PCDHGC5: variants seen among roughly 807,000 people sequenced by gnomAD.
The protein encoded by PCDHGC5 is protocadherin gamma subfamily C, 5, also known as protocadherin gamma-C5.
A neutral mutation model predicts 59.0 loss-of-function variants in PCDHGC5; 25 were observed. The observed-to-expected ratio is 0.42, with a 90% CI of 0.31 to 0.59. The LOEUF (loss-of-function observed/expected upper bound fraction) is 0.59. Ranked by LOEUF, PCDHGC5 falls within the 20% of genes least tolerant of loss-of-function variation. PCDHGC5 has a pLI of 0.13. For missense variants in PCDHGC5, 1,067 were observed against 1,206.4 expected, an observed-to-expected ratio of 0.88 and a Z score of 1.71; for synonymous variants, 434 against 505.5, an observed-to-expected ratio of 0.86 and a Z score of 1.90.
Position 141,489,714 on chromosome 5 carries a change from G to C in PCDHGC5, c.474G>C (p.Gln158His), listed in dbSNP as rs770143357. Residue 158 changes from glutamine to histidine, a missense_variant, in exon 1 of 4, where the codon CAG becomes CAC. Coordinates refer to ENST00000252087, the MANE Select transcript of PCDHGC5 (RefSeq NM_018929.3). The surrounding 1 kb of genome is among the most constrained non-coding windows in gnomAD (Gnocchi z 4.5). Reference sequence around the variant, plus strand: ...CACGATTCCCACTGGACAGTGCCCAGGATCCGGATGTGGGCACCAATACTG... The same window carrying C: ...CACGATTCCCACTGGACAGTGCCCACGATCCGGATGTGGGCACCAATACTG... ...SGARFPLDSA[Q>H]DPDVGTNTVS... 7.4e-6 allele frequency: 12 copies of C among 1,613,958 alleles called. No individual in the cohort carries two copies. The highest frequency in any genetic ancestry group is 1.0e-5 in the Non-Finnish European group (12 of 1,179,930).
Position 141,511,350 on chromosome 5 carries a change from C to T in PCDHGC5, c.*177C>T, listed in dbSNP as rs1303365585. Reference sequence around the variant, plus strand: ...CCCAGTCAGCACCTACCCCTTCCCCCCCAGGGGGTTGAATATGCAAAAGCA... The same window carrying T: ...CCCAGTCAGCACCTACCCCTTCCCCTCCAGGGGGTTGAATATGCAAAAGCA... On this transcript the variant is annotated 3_prime_UTR_variant, in exon 4 of 4. Transcript: ENST00000252087. The T allele has an allele frequency of 6.4e-6, 9 of 1,397,076 alleles. No homozygotes were observed. Among genetic ancestry groups the T allele is most frequent in the Non-Finnish European group, 8.6e-6 (9 of 1,050,666 alleles). 86.5% of individuals were successfully genotyped at this position (1,397,076 alleles called of 1,614,324 possible).
rs773048793 is a variant in PCDHGC5, at chr5:141,505,456, A to T, written c.2583A>T (p.Gln861His). The T allele has an allele frequency of 1.3e-5, 21 of 1,614,110 alleles. No homozygotes were observed. The highest frequency in any genetic ancestry group is 1.7e-5 in the Non-Finnish European group (20 of 1,180,044). The change falls in exon 3 of 4, where the codon CAA becomes CAT. Residue 861 changes from glutamine (Q) to histidine (H), a missense_variant. By Grantham distance (24) the Gln-to-His change is conservative (BLOSUM62 0). Coordinates refer to ENST00000252087, the MANE Select transcript of PCDHGC5 (RefSeq NM_018929.3). ...ACCAGTTTGACACAGAGATGCTGCA[A>T]GCCATGATCTTGGCGTCCGCCAGTG... ...PNNQFDTEML[Q>H]AMILASASEA...
At chr5:141,502,140 G>A (rs534984161) in intron 2 of PCDHGC5, among the ~76,000 whole-genome samples, 1 of 152,268 alleles carries the variant, frequency 6.6e-6, no homozygotes, top group South Asian at 2.1e-4. Context: ...CAGTCGGGCC[G>A]GAAGTAAGGA....
intron 2 of PCDHGC5, among the ~76,000 whole-genome samples, chr5:141,497,540 C>A (rs866982821): frequency 7.4e-6 from 1 of 134,944 alleles, no homozygotes; most frequent in African/African-American, 2.8e-5. Context: ...TGCAACAAAC[C>A]TTTTTTTTTT....
At chr5:141,497,079 C>T (rs564690352) in intron 2 of PCDHGC5, among the ~76,000 whole-genome samples, 2 of 151,982 alleles carry the variant, frequency 1.3e-5, no homozygotes, top group African/African-American at 4.8e-5. Flanking sequence ...ATCCCAGCGA[C>T]TTAGGAGGCT....
rs1001912556 is a variant in PCDHGC5, at chr5:141,493,404, CTCTGCTGGGATTTTGCT to C, written c.2461-1391_2461-1375del. Among the ~76,000 whole-genome samples, 10 of 152,266 alleles carry C rather than the reference CTCTGCTGGGATTTTGCT, an allele frequency of 6.6e-5. No individual in the cohort carries two copies. Among genetic ancestry groups the C allele is most frequent in the Admixed American group, 6.5e-4 (10 of 15,298 alleles). On this transcript the variant is annotated intron_variant, in intron 1 of 3. Coordinates refer to ENST00000252087, the MANE Select transcript of PCDHGC5 (RefSeq NM_018929.3). The surrounding 1 kb of genome is among the most constrained non-coding windows in gnomAD (Gnocchi z 4.3). ...CTTGAGGACAGGAGAGGGGAGTTGCCTCTGCTGGGATTTTGCTTCTGCTGGGATGGGGCAAGGGTGGG... is the reference window on the plus strand; with the variant it reads ...CTTGAGGACAGGAGAGGGGAGTTGCCTCTGCTGGGATGGGGCAAGGGTGGG...
At chr5:141,505,579 G>A (rs1047837546) in intron 3 of PCDHGC5, 98 bp downstream of exon 3, 6 of 1,588,858 alleles carry the variant, frequency 3.8e-6, no homozygotes, top group Non-Finnish European at 4.3e-6. Flanking sequence ...TCAAACCTGT[G>A]TAGTTTCTCC....
In PCDHGC5 at chr5:141,493,664, G is replaced by A. The variant is rs2099749444; in HGVS notation, c.2461-1143G>A. Reference sequence around the variant, plus strand: ...TGGCCATCCCTGTGCCCTTCTCCATGGCAGCCCCAGAATGGTGCTGGTGAC... The same window carrying A: ...TGGCCATCCCTGTGCCCTTCTCCATAGCAGCCCCAGAATGGTGCTGGTGAC... On this transcript the variant is annotated intron_variant, in intron 1 of 3. Coordinates refer to ENST00000252087, the MANE Select transcript of PCDHGC5 (RefSeq NM_018929.3). This position sits in a 1 kb window ranked among gnomAD's most constrained non-coding sequence, Gnocchi z 4.3. Among the ~76,000 whole-genome samples, 1 of 152,136 alleles carries A rather than the reference G, an allele frequency of 6.6e-6. No homozygotes were observed. Among genetic ancestry groups the A allele is most frequent in the Non-Finnish European group, 1.5e-5 (1 of 68,026 alleles).
rs996556361 is a variant in PCDHGC5, at chr5:141,511,290, A to G, written c.*117A>G. 1.3e-6 allele frequency: 2 copies of G among 1,516,984 alleles called. No homozygotes were observed. The highest frequency in any genetic ancestry group is 1.8e-6 in the Non-Finnish European group (2 of 1,129,124). The allele number at this position is 1,516,984 out of a possible 1,614,324, so 94.0% of individuals were successfully genotyped here. ...AACCCCCAGAATACTGGTAGGGGCC[A>G]AGGCCATGCTCCCCTTGGGAAACAG... is the stretch of plus-strand genomic sequence containing the variant. On this transcript the variant is annotated 3_prime_UTR_variant, in exon 4 of 4. Coordinates refer to ENST00000252087, the MANE Select transcript of PCDHGC5 (RefSeq NM_018929.3).
intron 3 of PCDHGC5, among the ~76,000 whole-genome samples, chr5:141,509,751 A>T (rs1430265981): frequency 6.6e-6 from 1 of 151,998 alleles, no homozygotes; most frequent in Admixed American, 6.5e-5. Flanking sequence ...CCTGTGCCTA[A>T]AGTGTCCCTG....
At chr5:141,495,613 G>A (rs1230710705) in intron 2 of PCDHGC5, among the ~76,000 whole-genome samples, 2 of 152,068 alleles carry the variant, frequency 1.3e-5, no homozygotes, top group Non-Finnish European at 2.9e-5. Flanking sequence ...CTTGATTGCT[G>A]CACCTCAGCC....
Position 141,511,669 on chromosome 5 carries a change from T to C in PCDHGC5, c.*496T>C, listed in dbSNP as rs1468492336. 1 of 199,424 alleles carries C rather than the reference T, an allele frequency of 5.0e-6. No individual in the cohort carries two copies. The highest frequency in any genetic ancestry group is 2.3e-5 in the African/African-American group (1 of 43,748). The allele number at this position is 199,424 out of a possible 1,614,324, so 12.4% of individuals were successfully genotyped here. ...TCTTGGCCTCTCCTTTGATTCTCAA[T>C]CTTCCCCCAAAGCATGGTTTGGTGC... On this transcript the variant is annotated 3_prime_UTR_variant, in exon 4 of 4. Coordinates refer to ENST00000252087, the MANE Select transcript of PCDHGC5 (RefSeq NM_018929.3).
intron 2 of PCDHGC5, among the ~76,000 whole-genome samples, chr5:141,501,877 A>G (rs1267260445): frequency 1.3e-5 from 2 of 151,690 alleles, no homozygotes; most frequent in East Asian, 3.9e-4. Flanking sequence ...GCCTCCTTAC[A>G]CTCCTGATCA....
intron 2 of PCDHGC5, among the ~76,000 whole-genome samples, chr5:141,501,536 G>A (rs570102957): frequency 5.9e-5 from 9 of 152,054 alleles, no homozygotes; most frequent in African/African-American, 2.2e-4. Context: ...GTACGTTGTT[G>A]TGCATAAGAT....
chr5:141,501,314 C>G, intron 2 of PCDHGC5, among the ~76,000 whole-genome samples: 1 of 151,728 alleles, frequency 6.6e-6, no homozygotes, highest in Non-Finnish European at 1.5e-5. Flanking sequence ...CACACACACA[C>G]ACACACACAC....
chr5:141,510,307 G>C (rs1250172295), intron 3 of PCDHGC5, among the ~76,000 whole-genome samples: 1 of 151,446 alleles, frequency 6.6e-6, no homozygotes, highest in African/African-American at 2.4e-5. Context: ...TTTTGAAATG[G>C]AGGCTTGGAA....
Position 141,506,445 on chromosome 5 carries a change from A to T in PCDHGC5, c.2608+964A>T, listed in dbSNP as rs1018306383. 3.8e-3 allele frequency among the ~76,000 whole-genome samples: 112 copies of T among 29,226 alleles called. No individual in the cohort carries two copies. The Middle Eastern group carries it at 0.08, about 21-fold the overall frequency. The allele number at this position is 29,226 out of a possible 152,430, so 19.2% of individuals were successfully genotyped here. ...CTGGGCAACAGTCTCGCTCTGTCTC[A>T]AAAAAAAAAAAAAAAAAAAAGAGCA... On this transcript the variant is annotated intron_variant, in intron 3 of 3. Transcript: ENST00000252087.
intron 3 of PCDHGC5, among the ~76,000 whole-genome samples, chr5:141,506,132 G>T (rs114930087): frequency 1.2e-4 from 18 of 152,310 alleles, no homozygotes; most frequent in African/African-American, 4.3e-4. Context: ...CAGAGCAGGA[G>T]AAGAAGAATA....
chr5:141,506,304 C>A (rs569926873), intron 3 of PCDHGC5, among the ~76,000 whole-genome samples: 3 of 152,078 alleles, frequency 2.0e-5, no homozygotes, highest in Non-Finnish European at 4.4e-5. Context: ...CAAAAATTAG[C>A]TGGGCATGGT....
Sources: allele counts gnomAD v4.1 joint callset (sites outside exome capture counted in the v4.1 genomes callset), GRCh38; gene constraint gnomAD v4.1.1; non-coding constraint Gnocchi (gnomAD v3.1); transcripts MANE v1.5; gene names NCBI Gene and HGNC (gene_info 2026-07-23, HGNC 2026-07-21).